Variants in DNAH7 observed in about 807,000 individuals in gnomAD.
The protein encoded by DNAH7 is axonemal beta dynein heavy chain 7.
Under a neutral mutation model 444.6 loss-of-function variants are expected in DNAH7, and 397 were observed. The ratio of observed to expected loss-of-function variants is 0.89; its 90% CI spans 0.82 to 0.97. The LOEUF (loss-of-function observed/expected upper bound fraction) is 0.97, where lower values mean the gene tolerates loss of function less well. Among genes scored for constraint, DNAH7 ranks in the 50% least tolerant of loss-of-function variants. The pLI is 0.00. For missense variants in DNAH7, 4,902 were observed against 4,800.8 expected (o/e 1.02, Z -0.62); for synonymous variants, 1,636 against 1,624.4 (o/e 1.01, Z -0.17).
At position 195,830,562 on chromosome 2, in the gene DNAH7, G is replaced by A. The variant is rs544151588; in HGVS notation, c.9100+3644C>T. On this transcript the variant is annotated intron_variant, in intron 48 of 64. Coordinates refer to ENST00000312428, the MANE Select transcript of DNAH7 (RefSeq NM_018897.3). The stretch of plus-strand genomic sequence containing the variant: ...AGCAGCTTGTAGAAGAGAAACAAAC[G>A]GTTATGCACATAAAATAAGGGCAAT... Among the ~76,000 whole-genome samples the A allele has an allele frequency of 1.1e-4, 17 of 152,212 alleles. No homozygotes were observed. In the East Asian group the frequency reaches 2.1e-3, roughly 19 times the overall value.
chr2:195,740,619 A>G (rs935307488), intron 64 of DNAH7, 147 bp downstream of exon 64: 1,831 of 53,376 alleles, frequency 0.034, 24 homozygotes, highest in Non-Finnish European at 0.042. Flanking sequence ...GTGTGTGTAT[A>G]TATATATATA....
At chr2:195,776,101 T>C in intron 59 of DNAH7, 118 bp from the exon 60 acceptor site, 2 of 1,269,858 alleles carry the variant, frequency 1.6e-6, no homozygotes, top group Admixed American at 2.5e-5. Flanking sequence ...CCTGTGACAC[T>C]GGACATTGAG....
At chr2:195,871,121 C>T (rs1464628068) in intron 40 of DNAH7, among the ~76,000 whole-genome samples, 1 of 152,156 alleles carries the variant, frequency 6.6e-6, no homozygotes, top group African/African-American at 2.4e-5. Context: ...GTGGCCAAAA[C>T]ATGCAAGTGG....
chr2:195,994,040 T>C (rs551615295), intron 12 of DNAH7, among the ~76,000 whole-genome samples: 2 of 152,324 alleles, frequency 1.3e-5, no homozygotes, highest in South Asian at 2.1e-4. Flanking sequence ...AGCAGGGTTT[T>C]CCCAAGGGAG....
chr2:195,738,224 ATGCAGATTTC>A, intron 64 of DNAH7, 97 bp from the exon 65 acceptor site: 4 of 1,100,428 alleles, frequency 3.6e-6, no homozygotes, highest in Non-Finnish European at 5.3e-6. Context: ...AAGGTTATGC[ATGCAGATTTC>A]TGTGGCCCAA....
chr2:195,921,635 G>C (rs995201164), intron 24 of DNAH7, among the ~76,000 whole-genome samples: 3 of 151,940 alleles, frequency 2.0e-5, no homozygotes, highest in African/African-American at 7.3e-5. Flanking sequence ...CTACACATTG[G>C]GTACAGTGGA....
At chr2:195,954,892 T>C (rs1190988511) in intron 19 of DNAH7, among the ~76,000 whole-genome samples, 2 of 152,176 alleles carry the variant, frequency 1.3e-5, no homozygotes, top group South Asian at 2.1e-4. Flanking sequence ...TCTTGTAAAT[T>C]TGTTGGAGTT....
At chr2:195,976,781 GA>G (rs1692234453) in intron 15 of DNAH7, among the ~76,000 whole-genome samples, 3 of 145,954 alleles carry the variant, frequency 2.1e-5, no homozygotes, top group Non-Finnish European at 3.0e-5. Context: ...GAGAGAGAGA[GA>G]GAGAGACTCT....
chr2:195,952,097 C>A (rs1332610059), intron 19 of DNAH7, among the ~76,000 whole-genome samples: 2 of 152,144 alleles, frequency 1.3e-5, no homozygotes, highest in Non-Finnish European at 2.9e-5. Flanking sequence ...TTTAGTGCTT[C>A]CTTCAGGAGC....
chr2:195,834,164 C>A (rs761646933), intron 48 of DNAH7, 42 bp downstream of exon 48: 2 of 1,558,004 alleles, frequency 1.3e-6, no homozygotes, highest in East Asian at 2.3e-5. Context: ...TGTGCCCTCT[C>A]CAGGCAGTTC....
At chr2:195,820,327 G>A (rs1050870072) in intron 49 of DNAH7, among the ~76,000 whole-genome samples, 11 of 151,892 alleles carry the variant, frequency 7.2e-5, no homozygotes, top group African/African-American at 2.7e-4. Context: ...GAGAGCATTA[G>A]GACAAATACC....
rs1314022307 is a variant in DNAH7, at chr2:195,787,078, A to G, written c.10810T>C (p.Tyr3604His). 1 of 1,612,716 alleles carries G rather than the reference A, an allele frequency of 6.2e-7. No individual in the cohort carries two copies. Among genetic ancestry groups the G allele is most frequent in the Non-Finnish European group, 8.5e-7 (1 of 1,179,658 alleles). ...KFGPLGWNIP[Y>H]EFNETDLRIS... ...CTCAGATCTGTCTCATTGAACTCAT[A>G]AGGAATATTCCACCCTAGGGGTCCA... Residue 3604 changes from tyrosine (Y) to histidine (H), a missense_variant, in exon 58 of 65, where the codon TAT (tyrosine) becomes CAT (histidine). Coordinates refer to ENST00000312428, the MANE Select transcript of DNAH7 (RefSeq NM_018897.3).
chr2:195,778,693 C>CATATATATATACACATATATATACACAT (rs1695218815), intron 58 of DNAH7, among the ~76,000 whole-genome samples: 2 of 87,672 alleles, frequency 2.3e-5, no homozygotes, highest in African/African-American at 4.5e-5. Context: ...TATATATACA[C>CATATATATATACACATATATATACACAT]ATATATATAT....
intron 21 of DNAH7, among the ~76,000 whole-genome samples, chr2:195,927,140 T>C (rs1394811321): frequency 6.6e-6 from 1 of 152,156 alleles, no homozygotes; most frequent in Non-Finnish European, 1.5e-5. Context: ...AGTTGAGGGC[T>C]GTAAAGTCAG....
intron 5 of DNAH7, among the ~76,000 whole-genome samples, chr2:196,033,701 G>T (rs946097419): frequency 6.6e-6 from 1 of 152,072 alleles, no homozygotes; most frequent in African/African-American, 2.4e-5. Context: ...CTGATGGACA[G>T]TCAGGTTGAT....
chr2:195,987,789 TTA>T (rs1308351657), intron 13 of DNAH7, among the ~76,000 whole-genome samples, 166 bp downstream of exon 13: 2 of 152,038 alleles, frequency 1.3e-5, no homozygotes, highest in East Asian at 3.8e-4. Context: ...GCCTAGATTC[TTA>T]TACTCAGGGC....
intron 62 of DNAH7, among the ~76,000 whole-genome samples, chr2:195,754,999 T>C (rs1311550367): frequency 1.3e-5 from 2 of 152,240 alleles, no homozygotes; most frequent in African/African-American, 4.8e-5. Flanking sequence ...AGCTTGGAAA[T>C]TACAATGTGC....
At position 195,864,495 on chromosome 2, in the gene DNAH7, C is replaced by T; in HGVS notation, c.7160G>A (p.Cys2387Tyr). Residue 2387 changes from cysteine to tyrosine, a missense_variant, in exon 41 of 65, where the codon TGT becomes TAT. Coordinates refer to ENST00000312428, the MANE Select transcript of DNAH7 (RefSeq NM_018897.3). ...HEDLKVILRK[C>Y]AEGEMQGVFL... ...GACACCCTGCATCTCACCTTCCGCA[C>T]ATTTCCTTAAGATCACTTTTAAATC... is the stretch of plus-strand genomic sequence containing the variant. 1 of 1,614,218 alleles carries T rather than the reference C, an allele frequency of 6.2e-7. No homozygotes were observed. The highest frequency in any genetic ancestry group is 1.3e-5 in the African/African-American group (1 of 75,050).
chr2:195,987,548 A>G (rs1249718285), intron 13 of DNAH7, among the ~76,000 whole-genome samples: 1 of 152,142 alleles, frequency 6.6e-6, no homozygotes, highest in Non-Finnish European at 1.5e-5. Flanking sequence ...GAAAATTTAG[A>G]AAATGTAAAG....
Sources: gnomAD v4.1 joint callset for allele counts (sites outside exome capture counted in the v4.1 genomes callset) on GRCh38, gnomAD v4.1.1 for gene constraint, MANE v1.5 for transcripts, NCBI Gene and HGNC (gene_info 2026-07-23, HGNC 2026-07-21) for gene names.